The following CACNB2 variants were observed in gnomAD, a reference collection of about 807,000 sequenced individuals.
CACNB2 encodes calcium voltage-gated channel auxiliary subunit beta 2.
In CACNB2, 42 loss-of-function variants were observed where a neutral mutation model predicts 73.3. That is an observed-to-expected ratio of 0.57 (90% CI 0.45 to 0.74). The LOEUF (loss-of-function observed/expected upper bound fraction) is 0.74, where lower values mean the gene tolerates loss of function less well. Among genes scored for constraint, CACNB2 ranks in the 30% least tolerant of loss-of-function variants. The probability of loss-of-function intolerance (pLI) is 0.00; values close to 1 mark genes in which losing one functional copy is unlikely to be tolerated. For missense variants in CACNB2, 940 were observed against 853.0 expected (o/e 1.10, Z -1.27); for synonymous variants, 348 against 310.3 (o/e 1.12, Z -1.28).
At chr10:18,224,033 T>C (rs1027596795) in intron 2 of CACNB2, among the ~76,000 whole-genome samples, 8 of 151,780 alleles carry the variant, frequency 5.3e-5, no homozygotes, top group Non-Finnish European at 8.8e-5. Flanking sequence ...CATTTTCATA[T>C]CTAGAATTAA....
chr10:18,484,101 A>T (rs941374034), intron 3 of CACNB2, among the ~76,000 whole-genome samples: 3 of 152,158 alleles, frequency 2.0e-5, no homozygotes, highest in Non-Finnish European at 4.4e-5. Flanking sequence ...TTTGTAGTTT[A>T]AGAAAAACAA....
At chr10:18,301,975 G>T (rs1252982326) in intron 2 of CACNB2, among the ~76,000 whole-genome samples, 2 of 152,020 alleles carry the variant, frequency 1.3e-5, no homozygotes, top group Non-Finnish European at 2.9e-5. Flanking sequence ...GGAAGGAGAT[G>T]AATATGTCAC....
chr10:18,443,027 T>C (rs2046550543), intron 3 of CACNB2, among the ~76,000 whole-genome samples: 6 of 131,550 alleles, frequency 4.6e-5, no homozygotes, highest in South Asian at 2.4e-4. Context: ...TATATATATA[T>C]ATATATATAA....
At chr10:18,453,187 A>G (rs906374409) in intron 3 of CACNB2, among the ~76,000 whole-genome samples, 1 of 151,782 alleles carries the variant, frequency 6.6e-6, no homozygotes, top group African/African-American at 2.4e-5. Context: ...GCTTTTCCTG[A>G]TTTTCTCTCC....
At chr10:18,362,766 A>G (rs911318888) in intron 2 of CACNB2, among the ~76,000 whole-genome samples, 10 of 152,130 alleles carry the variant, frequency 6.6e-5, no homozygotes, top group African/African-American at 1.9e-4. Context: ...AAAATGTACA[A>G]AAATGGTGGC....
intron 2 of CACNB2, among the ~76,000 whole-genome samples, chr10:18,272,514 G>A (rs1294370799): frequency 6.6e-6 from 1 of 152,178 alleles, no homozygotes; most frequent in Non-Finnish European, 1.5e-5. Flanking sequence ...CTGCTGATAT[G>A]GTTTGGCTCT....
intron 2 of CACNB2, among the ~76,000 whole-genome samples, chr10:18,339,858 T>C (rs1226205392): frequency 6.6e-6 from 1 of 152,346 alleles, no homozygotes; most frequent in East Asian, 1.9e-4. Context: ...TTGTAGGTTA[T>C]ACAAAACAGG....
intron 2 of CACNB2, among the ~76,000 whole-genome samples, chr10:18,384,562 C>CA (rs2043146008): frequency 2.0e-5 from 3 of 151,120 alleles, no homozygotes; most frequent in Admixed American, 1.3e-4. Context: ...CCTGTCTCTC[C>CA]AAAAAAAGAA....
At chr10:18,366,464 CA>C (rs58231666) in intron 2 of CACNB2, among the ~76,000 whole-genome samples, 5,475 of 99,548 alleles carry the variant, frequency 0.055, 119 homozygotes, top group African/African-American at 0.087. Context: ...GACTCCGTCT[CA>C]AAAAAAAAAA....
At chr10:18,371,004 A>C (rs2042558513) in intron 2 of CACNB2, among the ~76,000 whole-genome samples, 1 of 152,150 alleles carries the variant, frequency 6.6e-6, no homozygotes, top group Non-Finnish European at 1.5e-5. Context: ...ATAATTACTG[A>C]GTATTTACTT....
intron 3 of CACNB2, among the ~76,000 whole-genome samples, chr10:18,428,538 T>C (rs914413851): frequency 6.6e-6 from 1 of 152,082 alleles, no homozygotes; most frequent in African/African-American, 2.4e-5. Flanking sequence ...ATAGAAAAAT[T>C]AGCCAGACGT....
At chr10:18,220,201 G>GTATATATATATATA (rs773942256) in intron 2 of CACNB2, among the ~76,000 whole-genome samples, 3 of 23,318 alleles carry the variant, frequency 1.3e-4, no homozygotes, top group African/African-American at 8.3e-4. Flanking sequence ...ATATGTGTGT[G>GTATATATATATATA]TATATATATA....
chr10:18,533,533 G>A lies in CACNB2; in HGVS notation c.1055-543G>A, dbSNP rs76773553. On this transcript the variant is annotated intron_variant, in intron 10 of 13. Coordinates refer to ENST00000324631, the MANE Select transcript of CACNB2 (RefSeq NM_201596.3). ...GCCCTTTTAAAACATGACTACTTTG[G>A]TTGGAAAATATGAGGTGTGTTTTTG... 2.4e-4 allele frequency among the ~76,000 whole-genome samples: 36 copies of A among 152,230 alleles called. 1 individual carries two copies. The East Asian group carries it at 5.0e-3, about 21-fold the overall frequency.
intron 3 of CACNB2, among the ~76,000 whole-genome samples, chr10:18,417,525 C>T (rs1289600175): frequency 2.6e-5 from 4 of 151,864 alleles, no homozygotes; most frequent in Non-Finnish European, 5.9e-5. Flanking sequence ...CACACCACCA[C>T]ACCCGGCTAA....
intron 3 of CACNB2, among the ~76,000 whole-genome samples, chr10:18,482,671 C>T (rs370452767): frequency 3.9e-5 from 6 of 152,040 alleles, no homozygotes; most frequent in African/African-American, 1.2e-4. Context: ...CCACCATGCC[C>T]AGCTAATTTT....
At chr10:18,477,180 C>G (rs560586196) in intron 3 of CACNB2, among the ~76,000 whole-genome samples, 2 of 152,190 alleles carry the variant, frequency 1.3e-5, no homozygotes, top group South Asian at 2.1e-4. Context: ...GCCTTAGGTT[C>G]CCTGTCTCCA....
chr10:18,445,830 T>C (rs1232997080), intron 3 of CACNB2, among the ~76,000 whole-genome samples: 1 of 152,172 alleles, frequency 6.6e-6, no homozygotes, highest in Non-Finnish European at 1.5e-5. Context: ...CGTCAGAAGT[T>C]TGAGACCAGC....
chr10:18,301,836 A>T (rs1564418118), intron 2 of CACNB2, among the ~76,000 whole-genome samples: 1 of 151,128 alleles, frequency 6.6e-6, no homozygotes. Flanking sequence ...TTTAGTAGAG[A>T]CGGGGTTTCA....
intron 12 of CACNB2, among the ~76,000 whole-genome samples, 155 bp downstream of exon 12, chr10:18,536,351 C>T (rs1185667159): frequency 2.1e-5 from 3 of 143,154 alleles, no homozygotes; most frequent in South Asian, 2.3e-4. Context: ...CCTGAACTCC[C>T]GGGCTCAAGT....
Sources: allele counts gnomAD v4.1 joint callset (sites outside exome capture counted in the v4.1 genomes callset), GRCh38; gene constraint gnomAD v4.1.1; transcripts MANE v1.5; gene names NCBI Gene and HGNC (gene_info 2026-07-23, HGNC 2026-07-21).